TNRC6C: variants seen among roughly 807,000 people sequenced by gnomAD.
The protein encoded by TNRC6C is trinucleotide repeat containing adaptor 6C.
Under a neutral mutation model 153.7 loss-of-function variants are expected in TNRC6C, and 20 were observed. That is an observed-to-expected ratio of 0.13 (90% CI 0.09 to 0.19). TNRC6C has a LOEUF of 0.19. Ranked by LOEUF, TNRC6C falls within the 10% of genes least tolerant of loss-of-function variation. TNRC6C has a pLI of 1.00. For missense variants in TNRC6C, 1,987 were observed against 2,172.0 expected (o/e 0.91, Z 1.69); for synonymous variants, 811 against 841.4 (o/e 0.96, Z 0.63).
chr17:78,066,534 A>C (rs2072883389), intron 4 of TNRC6C: 1 of 152,188 alleles, frequency 6.6e-6, no homozygotes, highest in Non-Finnish European at 1.5e-5. Context: ...TTGGAGGCAC[A>C]GTTATGTGCC....
intron 3 of TNRC6C, among the ~76,000 whole-genome samples, chr17:78,061,622 C>G (rs144262691): frequency 7.2e-5 from 11 of 152,300 alleles, no homozygotes; most frequent in African/African-American, 2.6e-4. Flanking sequence ...CTGCAGCGCA[C>G]TATGATCACA....
intron 5 of TNRC6C, among the ~76,000 whole-genome samples, chr17:78,068,584 A>T (rs1048576392): frequency 6.6e-6 from 1 of 152,210 alleles, no homozygotes; most frequent in Non-Finnish European, 1.5e-5. Context: ...ACTTGAGGTC[A>T]GGAGTTCAAG....
At chr17:78,005,064 G>C in exon 1 of TNRC6C, 1 of 1,220,240 alleles carries the variant, frequency 8.2e-7, no homozygotes, top group Non-Finnish European at 1.0e-6. Flanking sequence ...TCAGGCTGCT[G>C]ATCAAAAAAC....
chr17:78,029,061 G>C (rs1204989670), intron 1 of TNRC6C, among the ~76,000 whole-genome samples: 1 of 152,098 alleles, frequency 6.6e-6, no homozygotes, highest in Non-Finnish European at 1.5e-5. Context: ...ATTACTATGA[G>C]ATCTTTGTTT....
chr17:78,029,080 T>G (rs144110841), intron 1 of TNRC6C, among the ~76,000 whole-genome samples: 7 of 152,242 alleles, frequency 4.6e-5, no homozygotes, highest in Non-Finnish European at 1.0e-4. Flanking sequence ...TTATGCAACT[T>G]ACTCTAATAT....
At chr17:78,025,725 A>G (rs944496876) in intron 1 of TNRC6C, among the ~76,000 whole-genome samples, 3 of 152,252 alleles carry the variant, frequency 2.0e-5, no homozygotes, top group Admixed American at 6.5e-5. Flanking sequence ...TTTAAAAGAT[A>G]TAATGGATGT....
intron 3 of TNRC6C, among the ~76,000 whole-genome samples, chr17:78,061,661 A>G (rs2311441): frequency 0.15 from 22,846 of 152,216 alleles, 1,969 homozygotes; most frequent in African/African-American, 0.23. Context: ...ACTTCAGCCC[A>G]GGCAACGTAA....
At chr17:78,065,333 A>AGCAAGACC (rs573976716) in intron 4 of TNRC6C, among the ~76,000 whole-genome samples, 73 of 152,060 alleles carry the variant, frequency 4.8e-4, no homozygotes, top group Admixed American at 1.2e-3. Flanking sequence ...TGAGCAATAG[A>AGCAAGACC]GCAAGACCCC....
chr17:78,101,673 C>T (rs1014492190), intron 17 of TNRC6C, among the ~76,000 whole-genome samples: 1 of 152,112 alleles, frequency 6.6e-6, no homozygotes, highest in Non-Finnish European at 1.5e-5. Context: ...TCCGTAGATA[C>T]TAGATTAACT....
chr17:77,978,209 C>G (rs2071029587), intron 1 of TNRC6C, among the ~76,000 whole-genome samples: 1 of 152,052 alleles, frequency 6.6e-6, no homozygotes, highest in African/African-American at 2.4e-5. Flanking sequence ...AAACCTCTTT[C>G]TAAAGAGAAT....
At chr17:78,015,843 C>T (rs113580560) in intron 1 of TNRC6C, among the ~76,000 whole-genome samples, 4,237 of 152,118 alleles carry the variant, frequency 0.028, 179 homozygotes, top group African/African-American at 0.097. Flanking sequence ...ACCCAGGAAG[C>T]GGAGGTTGCA....
chr17:77,974,047 G>C (rs921673883), intron 1 of TNRC6C, among the ~76,000 whole-genome samples: 1 of 142,380 alleles, frequency 7.0e-6, no homozygotes, highest in Non-Finnish European at 1.5e-5. Context: ...GAGAGGGAGG[G>C]AGGGAGGGGG....
At chr17:78,099,543 A>G (rs900407630) in intron 17 of TNRC6C, among the ~76,000 whole-genome samples, 2 of 152,186 alleles carry the variant, frequency 1.3e-5, no homozygotes, top group African/African-American at 4.8e-5. Flanking sequence ...ATCAGCTCTC[A>G]TGAGACTTAC....
intron 1 of TNRC6C, among the ~76,000 whole-genome samples, chr17:77,987,126 T>A (rs1256333122): frequency 6.6e-6 from 1 of 152,162 alleles, no homozygotes; most frequent in African/African-American, 2.4e-5. Flanking sequence ...TTAATGTATT[T>A]AACATGTATA....
At chr17:77,980,146 A>C (rs1429581877) in intron 1 of TNRC6C, among the ~76,000 whole-genome samples, 1 of 152,248 alleles carries the variant, frequency 6.6e-6, no homozygotes, top group Non-Finnish European at 1.5e-5. Flanking sequence ...TGGAAAGGAT[A>C]GATAGACGAA....
chr17:78,015,534 C>T (rs2143453987), intron 1 of TNRC6C, among the ~76,000 whole-genome samples: 1 of 152,368 alleles, frequency 6.6e-6, no homozygotes, highest in Non-Finnish European at 1.5e-5. Flanking sequence ...ATCCTTTTAA[C>T]AGTAAATGCC....
chr17:78,102,022 A>G (rs1160507221), intron 17 of TNRC6C, among the ~76,000 whole-genome samples: 1 of 152,096 alleles, frequency 6.6e-6, no homozygotes, highest in African/African-American at 2.4e-5. Context: ...ACACAGCCAA[A>G]CCGTATCAGA....
chr17:77,995,047 G>A (rs902263357), intron 1 of TNRC6C, among the ~76,000 whole-genome samples: 6 of 152,220 alleles, frequency 3.9e-5, no homozygotes, highest in African/African-American at 1.4e-4. Flanking sequence ...AAAGGTGACT[G>A]TCAAGAATTG....
At chr17:77,981,025 G>T (rs978249039) in intron 1 of TNRC6C, among the ~76,000 whole-genome samples, 7 of 152,090 alleles carry the variant, frequency 4.6e-5, no homozygotes, top group African/African-American at 1.7e-4. Flanking sequence ...GTCCAGGCTG[G>T]AGTGCAGTGG....
Sources: gnomAD v4.1 joint callset for allele counts (sites outside exome capture counted in the v4.1 genomes callset) on GRCh38, gnomAD v4.1.1 for gene constraint, MANE v1.5 for transcripts, NCBI Gene and HGNC (gene_info 2026-07-23, HGNC 2026-07-21) for gene names.